Variants in FBLIM1 observed in about 807,000 individuals in gnomAD.
The protein encoded by FBLIM1 is filamin binding LIM protein 1.
In FBLIM1, 29 loss-of-function variants were observed where a neutral mutation model predicts 37.4. The ratio of observed to expected loss-of-function variants is 0.77; its 90% CI spans 0.58 to 1.06. The LOEUF is 1.06. FBLIM1 is among the 50% of genes least tolerant of loss of function. The pLI, the probability that FBLIM1 is intolerant of heterozygous loss-of-function variation, is 0.00. For missense variants in FBLIM1, 449 were observed against 505.6 expected, an observed-to-expected ratio of 0.89 and a Z score of 1.07; for synonymous variants, 193 against 199.0, an observed-to-expected ratio of 0.97 and a Z score of 0.25.
intron 2 of FBLIM1, 58 bp from the exon 3 acceptor site, chr1:15,764,906 G>C: frequency 6.6e-7 from 1 of 1,525,274 alleles, no homozygotes. Context: ...CTCCTCTCGG[G>C]GGAGGGTGGC....
chr1:15,774,937 G>A (rs2069419287), intron 7 of FBLIM1, 141 bp downstream of exon 7: 4 of 1,540,834 alleles, frequency 2.6e-6, no homozygotes, highest in East Asian at 2.4e-5. Context: ...TACAGGGCTG[G>A]GCTGGGCGCG....
In FBLIM1 at chr1:15,765,216, T is replaced by A; in HGVS notation, c.233T>A (p.Met78Lys). ...GCAGCCACAGTGCCGGCTGCACCTA[T>A]GCAGCTCTTCAATGGAGGTAAGAGC... ...RAAATVPAAPMQLFNGGCPPP... is the reference protein window; with the variant it reads ...RAAATVPAAPKQLFNGGCPPP... Residue 78 changes from methionine to lysine, a missense_variant, in exon 3 of 9, where the codon ATG (methionine) becomes AAG (lysine). Transcript: ENST00000375766. This position sits in a 1 kb window ranked among gnomAD's most constrained non-coding sequence, Gnocchi z 5.9. 6.2e-7 allele frequency: 1 copy of A among 1,612,680 alleles called. No individual in the cohort carries two copies.
At chr1:15,770,095 T>C (rs2069129178) in intron 5 of FBLIM1, among the ~76,000 whole-genome samples, 2 of 151,796 alleles carry the variant, frequency 1.3e-5, no homozygotes, top group African/African-American at 4.8e-5. Flanking sequence ...TACGGGGGCA[T>C]GCCACTATGC....
At chr1:15,763,537 G>A (rs943469614) in intron 1 of FBLIM1, among the ~76,000 whole-genome samples, 1 of 151,220 alleles carries the variant, frequency 6.6e-6, no homozygotes, top group Non-Finnish European at 1.5e-5. Flanking sequence ...TCGGGAGGCT[G>A]AGGCAGGAGA....
intron 1 of FBLIM1, among the ~76,000 whole-genome samples, chr1:15,762,748 C>A (rs758882126): frequency 3.3e-5 from 5 of 152,206 alleles, no homozygotes; most frequent in Non-Finnish European, 7.3e-5. Context: ...ATGCAGACAC[C>A]GGTCAGACGC....
At chr1:15,780,580 G>C (rs1276562047) in intron 8 of FBLIM1, among the ~76,000 whole-genome samples, 1 of 152,116 alleles carries the variant, frequency 6.6e-6, no homozygotes, top group East Asian at 1.9e-4. Context: ...TGCTGAGGAG[G>C]CTCAGAAATC....
intron 5 of FBLIM1, 32 bp from the exon 6 acceptor site, chr1:15,770,377 G>A: frequency 6.2e-7 from 1 of 1,602,216 alleles, no homozygotes; most frequent in Non-Finnish European, 8.5e-7. Context: ...CACAGGCTGG[G>A]CTGGTGATGG....
intron 6 of FBLIM1, among the ~76,000 whole-genome samples, chr1:15,772,488 A>T (rs958551386): frequency 1.3e-5 from 2 of 152,138 alleles, no homozygotes; most frequent in African/African-American, 4.8e-5. Flanking sequence ...AGATGCCCCC[A>T]CACGTGTCCA....
At chr1:15,766,276 T>TTG (rs1177449319) in intron 3 of FBLIM1, among the ~76,000 whole-genome samples, 27 of 151,298 alleles carry the variant, frequency 1.8e-4, no homozygotes, top group Middle Eastern at 3.4e-3. Flanking sequence ...CCCAGCTAAT[T>TTG]TGTGTGTGTG....
chr1:15,779,075 A>G (rs1458848318), intron 8 of FBLIM1, among the ~76,000 whole-genome samples: 5 of 151,756 alleles, frequency 3.3e-5, no homozygotes, highest in Non-Finnish European at 7.4e-5. Context: ...AGCTGGGATT[A>G]CAGGTGCGTG....
chr1:15,777,572 ATTTT>A (rs35178526), intron 8 of FBLIM1, among the ~76,000 whole-genome samples: 1 of 121,580 alleles, frequency 8.2e-6, no homozygotes. Context: ...GACTCTCTCC[ATTTT>A]TTTTTTTTTT....
chr1:15,764,202 G>A lies in FBLIM1; in HGVS notation c.-210-294G>A, dbSNP rs143567358. Among the ~76,000 whole-genome samples, 1,258 of 152,282 alleles carry A rather than the reference G, an allele frequency of 8.3e-3. 14 individuals are homozygous for A. The highest frequency in any genetic ancestry group is 0.029 in the African/African-American group (1,194 of 41,552). ...AAGTGGCCAAGAGCATGGGCTCTGG[G>A]TTCCAGTGCCACCTCACCACCGTGT... On this transcript the variant is annotated intron_variant, in intron 1 of 8. Transcript: ENST00000375766.
chr1:15,784,261 C>T (rs2069720211), intron 8 of FBLIM1, among the ~76,000 whole-genome samples: 1 of 152,154 alleles, frequency 6.6e-6, no homozygotes, highest in Admixed American at 6.5e-5. Context: ...TTCCCTGAAC[C>T]CTCAGGGGAC....
chr1:15,761,398 G>A (rs2068667888), intron 1 of FBLIM1, among the ~76,000 whole-genome samples: 1 of 152,174 alleles, frequency 6.6e-6, no homozygotes, highest in South Asian at 2.1e-4. Context: ...CTGCAAAGTG[G>A]GGGCAGGATG....
chr1:15,758,900 G>C lies in FBLIM1; in HGVS notation c.-211+52G>C, dbSNP rs2068525517. 6.6e-6 allele frequency: 1 copy of C among 152,068 alleles called. No individual in the cohort carries two copies. Among genetic ancestry groups the C allele is most frequent in the Non-Finnish European group, 1.5e-5 (1 of 67,972 alleles). The allele number at this position is 152,068 out of a possible 1,614,324, so 9.4% of individuals were successfully genotyped here. ...GCGTCCCTCCGTCCCTGTCCCCGGT[G>C]CACACAGGTGACAGCGCCGGCAGTG... On this transcript the variant is annotated intron_variant, in intron 1 of 8. Coordinates refer to ENST00000375766, the MANE Select transcript of FBLIM1 (RefSeq NM_017556.4). The surrounding 1 kb of genome is among the most constrained non-coding windows in gnomAD (Gnocchi z 6.2).
chr1:15,766,625 G>A (rs1237338968), intron 3 of FBLIM1, among the ~76,000 whole-genome samples: 1 of 148,430 alleles, frequency 6.7e-6, no homozygotes, highest in Non-Finnish European at 1.5e-5. Context: ...ATGGAGTTTT[G>A]CTTTTGTTGC....
At position 15,774,730 on chromosome 1, in the gene FBLIM1, G is replaced by A. The variant is rs540284918; in HGVS notation, c.824G>A (p.Cys275Tyr). 1.2e-6 allele frequency: 2 copies of A among 1,614,144 alleles called. No individual in the cohort carries two copies. Among genetic ancestry groups the A allele is most frequent in the African/African-American group, 1.3e-5 (1 of 75,056 alleles). The change falls in exon 7 of 9, where the codon TGC becomes TAC. Residue 275 changes from cysteine (C) to tyrosine (Y), a missense_variant. Cys to Tyr is a radical substitution (Grantham distance 194, BLOSUM62 -2). Coordinates refer to ENST00000375766, the MANE Select transcript of FBLIM1 (RefSeq NM_017556.4). Reference protein sequence around the residue: ...SCFTCVTCARCIGDESFALGS... With the variant: ...SCFTCVTCARYIGDESFALGS... ...TTCACGTGTGTGACCTGCGCCCGGT[G>A]CATTGGGGATGAGAGCTTTGCCCTG...
At chr1:15,769,933 C>T (rs2069120167) in intron 5 of FBLIM1, among the ~76,000 whole-genome samples, 1 of 151,588 alleles carries the variant, frequency 6.6e-6, no homozygotes, top group Non-Finnish European at 1.5e-5. Context: ...GCGCCGGGCT[C>T]TTTATTTTTT....
chr1:15,770,372 G>C (rs556560742), intron 5 of FBLIM1, 37 bp from the exon 6 acceptor site: 1 of 1,600,624 alleles, frequency 6.2e-7, no homozygotes, highest in African/African-American at 1.3e-5. Flanking sequence ...GTCCTCACAG[G>C]CTGGGCTGGT....
Sources: gnomAD v4.1 joint callset for allele counts (sites outside exome capture counted in the v4.1 genomes callset) on GRCh38, gnomAD v4.1.1 for gene constraint, Gnocchi (gnomAD v3.1) non-coding constraint, MANE v1.5 for transcripts, NCBI Gene and HGNC (gene_info 2026-07-23, HGNC 2026-07-21) for gene names.